Variants in UBE2O observed in about 807,000 individuals in gnomAD.
UBE2O encodes the protein (E3-independent) E2 ubiquitin-conjugating enzyme.
UBE2O carries 15 observed loss-of-function variants against 125.8 expected under a neutral mutation model. The ratio of observed to expected loss-of-function variants is 0.12; its 90% CI spans 0.08 to 0.18. UBE2O has a LOEUF of 0.18. UBE2O is among the 10% of genes least tolerant of loss of function. The pLI is 1.00. For missense variants in UBE2O, 1,280 were observed against 1,723.6 expected (o/e 0.74, Z 4.56); for synonymous variants, 708 against 703.2 (o/e 1.01, Z -0.11).
At chr17:76,407,247 C>A (rs2072439769) in intron 1 of UBE2O, among the ~76,000 whole-genome samples, 1 of 152,130 alleles carries the variant, frequency 6.6e-6, no homozygotes, top group Non-Finnish European at 1.5e-5. Flanking sequence ...GGTGAAGACC[C>A]CTGAAAGGTC....
chr17:76,392,130 G>T lies in UBE2O; in HGVS notation c.2947-17C>A. 2.9e-6 allele frequency: 4 copies of T among 1,393,372 alleles called. No individual in the cohort carries two copies. The highest frequency in any genetic ancestry group is 1.5e-5 in the South Asian group (1 of 68,022). 86.3% of individuals were successfully genotyped at this position (1,393,372 alleles called of 1,614,324 possible). ...GAAGAGGTCCTAGGTAGGGAGGGAG[G>T]GAGGGAGGCCAAGGTTGGCAGGGGT... On this transcript the variant is annotated splice_polypyrimidine_tract_variant and intron_variant, in intron 15 of 17. Coordinates refer to ENST00000319380, the MANE Select transcript of UBE2O (RefSeq NM_022066.4).
intron 1 of UBE2O, among the ~76,000 whole-genome samples, chr17:76,420,645 G>C (rs770248860): frequency 2.0e-5 from 3 of 152,160 alleles, no homozygotes; most frequent in Non-Finnish European, 4.4e-5. Flanking sequence ...AACTGGGCTG[G>C]GGCGCTGCAG....
At chr17:76,425,859 C>T (rs2072802208) in intron 1 of UBE2O, among the ~76,000 whole-genome samples, 1 of 152,082 alleles carries the variant, frequency 6.6e-6, no homozygotes, top group South Asian at 2.1e-4. Flanking sequence ...AGAATTCCAT[C>T]CTGTCTCTCT....
At position 76,396,027 on chromosome 17, in the gene UBE2O, G is replaced by C; in HGVS notation, c.2809+101C>G. The C allele has an allele frequency of 6.8e-7, 1 of 1,478,968 alleles. No homozygotes were observed. The allele number at this position is 1,478,968 out of a possible 1,614,324, so 91.6% of individuals were successfully genotyped here. On this transcript the variant is annotated intron_variant, in intron 14 of 17. Coordinates refer to ENST00000319380, the MANE Select transcript of UBE2O (RefSeq NM_022066.4). This position sits in a 1 kb window ranked among gnomAD's most constrained non-coding sequence, Gnocchi z 6.7. Reference sequence around the variant, plus strand: ...GGTTTGCCCTGGGGCAGTAGCTGGGGTCTGGCGAGGGGACTAACCACCCTG... The same window carrying C: ...GGTTTGCCCTGGGGCAGTAGCTGGGCTCTGGCGAGGGGACTAACCACCCTG...
At position 76,413,228 on chromosome 17, in the gene UBE2O, A is replaced by G. The variant is rs145520691; in HGVS notation, c.418-7656T>C. Among the ~76,000 whole-genome samples, 288 of 152,320 alleles carry G rather than the reference A, an allele frequency of 1.9e-3. 1 individual carries two copies. Among genetic ancestry groups the G allele is most frequent in the African/African-American group, 6.6e-3 (273 of 41,572 alleles). On this transcript the variant is annotated intron_variant, in intron 1 of 17. Transcript: ENST00000319380. The stretch of plus-strand genomic sequence containing the variant: ...TAGGGATGGGGTGGAGGAAGTAAGG[A>G]CCAGTGACATTCACCCCCATCCCAC...
rs576542663 is a variant in UBE2O at position 76,397,582 on chromosome 17, G to A, written c.2115+217C>T. ...GTTTGTGAAAGTCTACATGCACCCAGAGATGGACGTGAAGAGATTGCTGGG... is the reference window on the plus strand; with the variant it reads ...GTTTGTGAAAGTCTACATGCACCCAAAGATGGACGTGAAGAGATTGCTGGG... On this transcript the variant is annotated intron_variant, in intron 13 of 17. Transcript: ENST00000319380. Among the ~76,000 whole-genome samples the A allele has an allele frequency of 2.6e-5, 4 of 152,348 alleles. No individual in the cohort carries two copies. The South Asian group carries it at 8.3e-4, about 32-fold the overall frequency.
At chr17:76,393,441 G>A (rs1008075735) in intron 15 of UBE2O, among the ~76,000 whole-genome samples, 9 of 151,628 alleles carry the variant, frequency 5.9e-5, no homozygotes, top group Non-Finnish European at 1.0e-4. Flanking sequence ...CACCATGTTG[G>A]TCAGGCTGGT....
chr17:76,399,708 C>T lies in UBE2O; in HGVS notation c.1369G>A (p.Gly457Arg). The stretch of plus-strand genomic sequence containing the variant: ...AGCAGGAATGGGGGCAGCTGCTCTC[C>T]TGCCTCGTGGGGCTCCTCTGCACCC... ...DEGAEEPHEA[G>R]EQLPPFLLKE... Residue 457 changes from glycine to arginine, a missense_variant, in exon 9 of 18, where the codon GGA becomes AGA. Gly to Arg is a moderately radical substitution (Grantham distance 125, BLOSUM62 -2). Transcript: ENST00000319380. The surrounding 1 kb of genome is among the most constrained non-coding windows in gnomAD (Gnocchi z 6.9). The T allele has an allele frequency of 6.2e-7, 1 of 1,614,198 alleles. No homozygotes were observed. Among genetic ancestry groups the T allele is most frequent in the Non-Finnish European group, 8.5e-7 (1 of 1,180,036 alleles).
At chr17:76,425,535 C>A (rs2072798065) in intron 1 of UBE2O, among the ~76,000 whole-genome samples, 1 of 152,178 alleles carries the variant, frequency 6.6e-6, no homozygotes, top group African/African-American at 2.4e-5. Flanking sequence ...TTATTATAGA[C>A]ATTATCTATT....
chr17:76,435,107 C>T (rs1234897549), intron 1 of UBE2O, among the ~76,000 whole-genome samples: 1 of 152,148 alleles, frequency 6.6e-6, no homozygotes, highest in East Asian at 1.9e-4. Flanking sequence ...GGATGAGATG[C>T]ACCAAGCCAG....
At chr17:76,430,576 T>C (rs1004647931) in intron 1 of UBE2O, 27 of 273,622 alleles carry the variant, frequency 9.9e-5, no homozygotes, top group African/African-American at 1.6e-4. Context: ...TCGATGCAGA[T>C]GATGCCATAT....
chr17:76,427,784 C>A (rs1304628272), intron 1 of UBE2O, among the ~76,000 whole-genome samples: 1 of 152,224 alleles, frequency 6.6e-6, no homozygotes, highest in Admixed American at 6.5e-5. Context: ...GAGTGTGGGG[C>A]AATGATCAGC....
intron 13 of UBE2O, 126 bp downstream of exon 13, chr17:76,397,673 C>T: frequency 1.1e-6 from 1 of 935,480 alleles, no homozygotes; most frequent in East Asian, 2.4e-5. Flanking sequence ...CTGCCTTTCC[C>T]CTCACGCTTT....
chr17:76,416,206 G>GTATATGTA (rs2072614328), intron 1 of UBE2O, among the ~76,000 whole-genome samples: 2 of 150,914 alleles, frequency 1.3e-5, no homozygotes, highest in Non-Finnish European at 3.0e-5. Context: ...GTATATGTGT[G>GTATATGTA]TGTATATGTA....
intron 1 of UBE2O, among the ~76,000 whole-genome samples, chr17:76,417,343 G>T (rs1402168617): frequency 6.6e-6 from 1 of 152,238 alleles, no homozygotes; most frequent in Non-Finnish European, 1.5e-5. Context: ...GTCCCTAGAC[G>T]AGGACCTCTT....
chr17:76,394,485 G>A (rs2072170565), intron 15 of UBE2O, among the ~76,000 whole-genome samples: 1 of 152,148 alleles, frequency 6.6e-6, no homozygotes, highest in African/African-American at 2.4e-5. Flanking sequence ...CTATTTTGCA[G>A]GTAAAAAGGA....
At chr17:76,407,009 T>A (rs1456892940) in intron 1 of UBE2O, among the ~76,000 whole-genome samples, 3 of 152,156 alleles carry the variant, frequency 2.0e-5, no homozygotes, top group Non-Finnish European at 4.4e-5. Flanking sequence ...TGAGCCTGTT[T>A]CAAATGACAA....
rs760026376 is a variant in UBE2O, at chr17:76,398,160, CTT to C, written c.2025+93_2025+94del. 189 of 1,562,226 alleles carry C rather than the reference CTT, an allele frequency of 1.2e-4. No individual in the cohort carries two copies. The highest frequency in any genetic ancestry group is 1.6e-4 in the Non-Finnish European group (182 of 1,142,272). On this transcript the variant is annotated intron_variant, in intron 12 of 17. Transcript: ENST00000319380. This position sits in a 1 kb window ranked among gnomAD's most constrained non-coding sequence, Gnocchi z 5.4. ...CACTGAGCCCAGAGGACTTTCAGGT[CTT>C]GTCTCCTAGAGCCACCTGGTGGCAG...
In UBE2O at chr17:76,401,052, C is replaced by T. The variant is rs759134620; in HGVS notation, c.853G>A (p.Val285Met). The change falls in exon 6 of 18, where the codon GTG (valine) becomes ATG (methionine). Residue 285 changes from valine (V) to methionine (M), a missense_variant. Val to Met is a conservative substitution (Grantham distance 21). Coordinates refer to ENST00000319380, the MANE Select transcript of UBE2O (RefSeq NM_022066.4). Reference sequence around the variant, plus strand: ...CGGAACTTGCTCTTGGTGCTGAGCACGGGCTTGACACCTGACAGCCACTGG... The same window carrying T: ...CGGAACTTGCTCTTGGTGCTGAGCATGGGCTTGACACCTGACAGCCACTGG... ...SVQWLSGVKP[V>M]LSTKSKFRVV... is the part of the protein sequence containing the mutation. The T allele has an allele frequency of 1.2e-6, 2 of 1,613,822 alleles. No individual in the cohort carries two copies. The highest frequency in any genetic ancestry group is 3.3e-5 in the Admixed American group (2 of 60,018).
Sources: gnomAD v4.1 joint callset for allele counts (sites outside exome capture counted in the v4.1 genomes callset) on GRCh38, gnomAD v4.1.1 for gene constraint, Gnocchi (gnomAD v3.1) non-coding constraint, MANE v1.5 for transcripts, NCBI Gene and HGNC (gene_info 2026-07-23, HGNC 2026-07-21) for gene names.